Variants in MIGA2 observed in about 807,000 individuals in gnomAD.
MIGA2 encodes family with sequence similarity 73, member B.
Under a neutral mutation model 69.9 loss-of-function variants are expected in MIGA2, and 36 were observed. The observed-to-expected ratio is 0.52, with a 90% confidence interval of 0.39 to 0.68. The LOEUF is 0.68. Among genes scored for constraint, MIGA2 ranks in the 30% least tolerant of loss-of-function variants. The probability of loss-of-function intolerance (pLI) is 0.00; values close to 1 mark genes in which losing one functional copy is unlikely to be tolerated. For missense variants in MIGA2, 660 were observed against 787.7 expected (o/e 0.84, Z 1.94); for synonymous variants, 333 against 349.2 (o/e 0.95, Z 0.52).
chr9:129,063,655 G>GGGGGGGGGGGGGGGGGGGCC, intron 11 of MIGA2, 24 bp downstream of exon 11: 6 of 645,652 alleles, frequency 9.3e-6, no homozygotes, highest in Non-Finnish European at 1.4e-5. Flanking sequence ...GGGTGGGGGG[G>GGGGGGGGGGGGGGGGGGGCC]CAAATTATAA....
chr9:129,051,289 T>C (rs1364273130), intron 6 of MIGA2: 5 of 184,726 alleles, frequency 2.7e-5, no homozygotes, highest in Non-Finnish European at 5.3e-5. Flanking sequence ...TATTTATTTT[T>C]TTTTTTGGAG....
chr9:129,061,221 C>T lies in MIGA2; in HGVS notation c.895-10C>T. 2 of 1,605,898 alleles carry T rather than the reference C, an allele frequency of 1.2e-6. No homozygotes were observed. Among genetic ancestry groups the T allele is most frequent in the South Asian group, 2.2e-5 (2 of 89,730 alleles). ...GCTTCCCTGGTCTCTTCCTCTGCAC[C>T]CTCTCCCAGCTCTTTGAGTCCCTGC... On this transcript the variant is annotated splice_polypyrimidine_tract_variant and intron_variant, in intron 8 of 15. Transcript: ENST00000684074. The surrounding 1 kb of genome is among the most constrained non-coding windows in gnomAD (Gnocchi z 5.0).
chr9:129,052,943 A>AC (rs1280976555), intron 6 of MIGA2, among the ~76,000 whole-genome samples: 2 of 152,028 alleles, frequency 1.3e-5, no homozygotes, highest in African/African-American at 4.8e-5. Context: ...GGTGAGGGGG[A>AC]CTCAAGGGAG....
chr9:129,068,293 C>T lies in MIGA2; in HGVS notation c.1365C>T (p.Val455=). 2 of 1,610,444 alleles carry T rather than the reference C, an allele frequency of 1.2e-6. No individual in the cohort carries two copies. The highest frequency in any genetic ancestry group is 1.7e-6 in the Non-Finnish European group (2 of 1,179,206). The stretch of plus-strand genomic sequence containing the variant: ...ACCCTCCGGCCTCGGTGCTCGCCGT[C>T]CTGCGGAACCGCTGGCTGTCAGACA... The part of the protein sequence containing the change: ...LENPPASVLA[V]LRNRWLSDSF... Residue 455 remains valine (V), a synonymous_variant, in exon 13 of 16, where the codon GTC becomes GTT. Transcript: ENST00000684074. The surrounding 1 kb of genome is among the most constrained non-coding windows in gnomAD (Gnocchi z 4.1).
Position 129,068,120 on chromosome 9 carries a change from A to G in MIGA2, c.1270-78A>G. The G allele has an allele frequency of 1.0e-5, 16 of 1,598,060 alleles. No homozygotes were observed. Among genetic ancestry groups the G allele is most frequent in the Non-Finnish European group, 1.3e-5 (15 of 1,166,552 alleles). On this transcript the variant is annotated intron_variant, in intron 12 of 15. Transcript: ENST00000684074. The surrounding 1 kb of genome is among the most constrained non-coding windows in gnomAD (Gnocchi z 4.1). ...TGCTCATGCCCTGGACCCCAGCTTC[A>G]GTCTCCCCATCTGGAAAGTGGCCCC...
intron 6 of MIGA2, among the ~76,000 whole-genome samples, chr9:129,057,498 A>G (rs1179162364): frequency 6.6e-6 from 1 of 151,088 alleles, no homozygotes; most frequent in East Asian, 2.0e-4. Context: ...TCACCATGTC[A>G]GCCAGGATGG....
In MIGA2 at chr9:129,061,350, A is replaced by C; in HGVS notation, c.1010+4A>C. ...GAGTGCCTTGCCGGACCCTCAGGTG[A>C]GCAGGTGTGGAGGGAGGGAGGGAGG... On this transcript the variant is annotated splice_donor_region_variant and intron_variant, in intron 9 of 15. Coordinates refer to ENST00000684074, the MANE Select transcript of MIGA2 (RefSeq NM_001329990.2). The surrounding 1 kb of genome is among the most constrained non-coding windows in gnomAD (Gnocchi z 5.0). The C allele has an allele frequency of 8.4e-7, 1 of 1,190,068 alleles. No homozygotes were observed. Among genetic ancestry groups the C allele is most frequent in the Non-Finnish European group, 1.2e-6 (1 of 824,350 alleles). The allele number at this position is 1,190,068 out of a possible 1,614,324, so 73.7% of individuals were successfully genotyped here. A position where few individuals can be genotyped will look rare whatever the true frequency, so the allele number is the denominator to read the frequency against.
chr9:129,058,754 A>T (rs1308259750), intron 6 of MIGA2, among the ~76,000 whole-genome samples: 5 of 151,974 alleles, frequency 3.3e-5, no homozygotes, highest in Non-Finnish European at 2.9e-5. Flanking sequence ...CACCTCGGCC[A>T]CCCAAAATGC....
intron 6 of MIGA2, among the ~76,000 whole-genome samples, chr9:129,058,777 C>T (rs578010220): frequency 5.3e-5 from 8 of 152,250 alleles, no homozygotes; most frequent in South Asian, 4.1e-4. Flanking sequence ...GGATTACAGG[C>T]GTGAGCCACT....
intron 6 of MIGA2, among the ~76,000 whole-genome samples, chr9:129,050,658 G>A (rs1458376932): frequency 3.5e-5 from 5 of 144,484 alleles, no homozygotes; most frequent in Admixed American, 7.1e-5. Context: ...CGTAACCTCC[G>A]CCTCCTGGGT....
intron 9 of MIGA2, among the ~76,000 whole-genome samples, chr9:129,062,160 C>T (rs1319502970): frequency 6.7e-6 from 1 of 149,410 alleles, no homozygotes; most frequent in Admixed American, 6.7e-5. Flanking sequence ...GCTGGGACTA[C>T]AGGTGTGAGC....
intron 5 of MIGA2, 26 bp downstream of exon 5, chr9:129,049,524 C>T (rs752875100): frequency 2.2e-5 from 35 of 1,605,320 alleles, no homozygotes; most frequent in Admixed American, 1.8e-4. Context: ...GCCTCAGCTT[C>T]GAGGGCAGGG....
Position 129,069,221 on chromosome 9 carries a change from C to T in MIGA2, c.1458+92C>T, listed in dbSNP as rs1846533399. 5 of 1,510,128 alleles carry T rather than the reference C, an allele frequency of 3.3e-6. No individual in the cohort carries two copies. The South Asian group carries it at 4.5e-5, about 14-fold the overall frequency. The allele number at this position is 1,510,128 out of a possible 1,614,324, so 93.5% of individuals were successfully genotyped here. On this transcript the variant is annotated intron_variant, in intron 14 of 15. Transcript: ENST00000684074. This position sits in a 1 kb window ranked among gnomAD's most constrained non-coding sequence, Gnocchi z 4.9. Reference sequence around the variant, plus strand: ...GGGTGCAGGGTGGCTCGCTGGGCCACTTGGCCTTCACCGCTCACAGTCCTG... The same window carrying T: ...GGGTGCAGGGTGGCTCGCTGGGCCATTTGGCCTTCACCGCTCACAGTCCTG...
chr9:129,068,081 GT>G lies in MIGA2; in HGVS notation c.1270-116del. The G allele has an allele frequency of 6.9e-7, 1 of 1,447,712 alleles. No individual in the cohort carries two copies. The highest frequency in any genetic ancestry group is 9.7e-7 in the Non-Finnish European group (1 of 1,032,950). 89.7% of individuals were successfully genotyped at this position (1,447,712 alleles called of 1,614,324 possible). A position where few individuals can be genotyped will look rare whatever the true frequency, so the allele number is the denominator to read the frequency against. On this transcript the variant is annotated intron_variant, in intron 12 of 15. Coordinates refer to ENST00000684074, the MANE Select transcript of MIGA2 (RefSeq NM_001329990.2). The surrounding 1 kb of genome is among the most constrained non-coding windows in gnomAD (Gnocchi z 4.1). Reference sequence around the variant, plus strand: ...TTGCACAGCAGAGCGGGAAAGACGTGTCCCCCCCACGTGTGCTCATGCCCTG... The same window carrying G: ...TTGCACAGCAGAGCGGGAAAGACGTGCCCCCCCACGTGTGCTCATGCCCTG...
rs535940710 is a variant in MIGA2 at position 129,059,405 on chromosome 9, G to A, written c.793+134G>A. On this transcript the variant is annotated intron_variant, in intron 7 of 15. Transcript: ENST00000684074. This position sits in a 1 kb window ranked among gnomAD's most constrained non-coding sequence, Gnocchi z 5.6. ...AGAATCCCCAGGGCTCTCCGACCTC[G>A]CGTGATCCAGCACCTTATGGCACAG... 214 of 663,914 alleles carry A rather than the reference G, an allele frequency of 3.2e-4. 3 individuals carry two copies. The South Asian group carries it at 3.7e-3, about 11-fold the overall frequency. 41.1% of individuals were successfully genotyped at this position (663,914 alleles called of 1,614,324 possible). A position where few individuals can be genotyped will look rare whatever the true frequency, so the allele number is the denominator to read the frequency against.
chr9:129,058,661 G>A (rs1440850891), intron 6 of MIGA2, among the ~76,000 whole-genome samples: 3 of 151,666 alleles, frequency 2.0e-5, no homozygotes, highest in Admixed American at 6.6e-5. Flanking sequence ...CACCACACCC[G>A]GCTAATTTTT....
At chr9:129,066,996 C>T (rs955676472) in intron 11 of MIGA2, among the ~76,000 whole-genome samples, 2 of 144,932 alleles carry the variant, frequency 1.4e-5, no homozygotes, top group African/African-American at 2.6e-5. Flanking sequence ...ATTAGCCGGG[C>T]GTGGTGGCAG....
rs762628738 is a variant in MIGA2 at position 129,061,282 on chromosome 9, G to A, written c.946G>A (p.Ala316Thr). The change falls in exon 9 of 16, where the codon GCC becomes ACC. Residue 316 changes from alanine (A) to threonine (T), a missense_variant. By Grantham distance (58) the Ala-to-Thr change is moderately conservative. Around this residue, in one of 3 missense-constraint regions of MIGA2, gnomAD observed 386 missense variants for 402.0 expected, o/e 0.96. Transcript: ENST00000684074. This position sits in a 1 kb window ranked among gnomAD's most constrained non-coding sequence, Gnocchi z 5.0. ...TTACCCGATCCCACTCTCCAGACCC[G>A]CCGCTGCCTATGAGGAGGCCCTGCA... ...GDYPIPLSRP[A>T]AAYEEALQLV... 3.6e-5 allele frequency: 58 copies of A among 1,612,556 alleles called. No homozygotes were observed. Among genetic ancestry groups the A allele is most frequent in the Non-Finnish European group, 4.7e-5 (56 of 1,179,716 alleles).
At chr9:129,039,524 C>T (rs934016415) in intron 1 of MIGA2, among the ~76,000 whole-genome samples, 7 of 151,822 alleles carry the variant, frequency 4.6e-5, no homozygotes, top group Admixed American at 1.3e-4. Flanking sequence ...GGATTATAGG[C>T]GTAAGCCACT....
Sources: gnomAD v4.1 joint callset for allele counts (sites outside exome capture counted in the v4.1 genomes callset) on GRCh38, gnomAD v4.1.1 for gene constraint, gnomAD v4.1.1 regional missense constraint, Gnocchi (gnomAD v3.1) non-coding constraint, MANE v1.5 for transcripts, NCBI Gene and HGNC (gene_info 2026-07-23, HGNC 2026-07-21) for gene names.